The following ATP5F1C variants were observed in gnomAD, a reference collection of about 807,000 sequenced individuals.
ATP5F1C encodes the protein ATP synthase F(1) complex subunit gamma, mitochondrial.
Under a neutral mutation model 37.4 loss-of-function variants are expected in ATP5F1C, and 22 were observed. The observed-to-expected ratio is 0.59, with a 90% CI of 0.42 to 0.84. ATP5F1C has a LOEUF of 0.84. Ranked by LOEUF, ATP5F1C falls within the 40% of genes least tolerant of loss-of-function variation. The probability of loss-of-function intolerance (pLI) is 0.00; values close to 1 mark genes in which losing one functional copy is unlikely to be tolerated. For missense variants in ATP5F1C, 286 were observed against 362.4 expected, an observed-to-expected ratio of 0.79 and a Z score of 1.71; for synonymous variants, 121 against 128.0, an observed-to-expected ratio of 0.95 and a Z score of 0.37.
chr10:7,802,935 T>G, intron 8 of ATP5F1C, 81 bp downstream of exon 8: 1 of 1,260,670 alleles, frequency 7.9e-7, no homozygotes, highest in Non-Finnish European at 1.1e-6. Context: ...TAAAAGTTTT[T>G]CGTTTTTTTC....
intron 1 of ATP5F1C, 79 bp downstream of exon 1, chr10:7,788,342 G>C: frequency 6.4e-7 from 1 of 1,565,070 alleles, no homozygotes; most frequent in South Asian, 1.1e-5. Context: ...GAGGAGATGG[G>C]CGCGGGGGCA....
chr10:7,794,704 C>T (rs752064238), intron 1 of ATP5F1C, among the ~76,000 whole-genome samples: 5 of 152,094 alleles, frequency 3.3e-5, no homozygotes, highest in Non-Finnish European at 7.3e-5. Context: ...GTAAATCCCA[C>T]GTAGTGATGG....
chr10:7,804,095 G>A (rs1384266941), intron 8 of ATP5F1C: 3 of 518,926 alleles, frequency 5.8e-6, no homozygotes, highest in Admixed American at 3.9e-5. Flanking sequence ...CAGCAGAACA[G>A]AGGTTGCTAA....
chr10:7,802,185 A>G (rs1836378794), intron 6 of ATP5F1C, 85 bp from the exon 7 acceptor site: 3 of 1,346,106 alleles, frequency 2.2e-6, no homozygotes, highest in Non-Finnish European at 3.0e-6. Context: ...GTAATTATAA[A>G]GGAGTTTTAC....
chr10:7,802,926 A>T (rs1265850227), intron 8 of ATP5F1C, 72 bp downstream of exon 8: 4 of 1,380,736 alleles, frequency 2.9e-6, no homozygotes, highest in Non-Finnish European at 4.0e-6. Context: ...TTGGATGCTT[A>T]AAAGTTTTTC....
chr10:7,807,099 C>A, intron 9 of ATP5F1C, 89 bp downstream of exon 9: 2 of 1,290,060 alleles, frequency 1.6e-6, no homozygotes, highest in South Asian at 1.5e-5. Context: ...TAGAATTGTC[C>A]TCTGAGAGAT....
chr10:7,806,314 A>G (rs145531659), intron 8 of ATP5F1C, among the ~76,000 whole-genome samples: 1 of 152,246 alleles, frequency 6.6e-6, no homozygotes, highest in Non-Finnish European at 1.5e-5. Context: ...AATTAAGAAC[A>G]TGAGTAAACC....
intron 8 of ATP5F1C, among the ~76,000 whole-genome samples, chr10:7,803,623 CTTTAATG>C (rs1297134545): frequency 1.3e-5 from 2 of 151,998 alleles, no homozygotes; most frequent in Non-Finnish European, 2.9e-5. Flanking sequence ...TGTTGAAAAA[CTTTAATG>C]TTTATGAAAA....
At chr10:7,805,746 CAAAAAAAAAAAAA>C (rs547312025) in intron 8 of ATP5F1C, among the ~76,000 whole-genome samples, 2 of 89,888 alleles carry the variant, frequency 2.2e-5, no homozygotes, top group Non-Finnish European at 4.3e-5. Flanking sequence ...GACTCCTTCT[CAAAAAAAAAAAAA>C]AAAAAAAAAA....
In ATP5F1C at chr10:7,788,283, G is replaced by A. The variant is rs983869399; in HGVS notation, c.56+20G>A. On this transcript the variant is annotated intron_variant, in intron 1 of 9. Coordinates refer to ENST00000356708, the MANE Select transcript of ATP5F1C (RefSeq NM_001001973.3). ...GCAATGGTATGGCAGCTTGCGGGAA[G>A]ATCGGCAGGACCGCAAGGGATGGAA... 1 of 1,611,766 alleles carries A rather than the reference G, an allele frequency of 6.2e-7. No homozygotes were observed. The highest frequency in any genetic ancestry group is 8.5e-7 in the Non-Finnish European group (1 of 1,179,392).
rs370479576 is a variant in ATP5F1C at position 7,788,180 on chromosome 10, A to C, written c.-28A>C. 2.5e-6 allele frequency: 4 copies of C among 1,612,152 alleles called. No homozygotes were observed. Among genetic ancestry groups the C allele is most frequent in the South Asian group, 1.1e-5 (1 of 90,890 alleles). The stretch of plus-strand genomic sequence containing the variant: ...GCGCATGCGCGCTGAGGCCTGCCTG[A>C]CCGACCTTCAGCAGGGCTGTGGCTA... On this transcript the variant is annotated 5_prime_UTR_variant, in exon 1 of 10. Transcript: ENST00000356708.
rs751091544 is a variant in ATP5F1C at position 7,788,206 on chromosome 10, C to G, written c.-2C>G. 1 of 1,613,218 alleles carries G rather than the reference C, an allele frequency of 6.2e-7. No individual in the cohort carries two copies. Among genetic ancestry groups the G allele is most frequent in the East Asian group, 2.2e-5 (1 of 44,882 alleles). ...CCGACCTTCAGCAGGGCTGTGGCTA[C>G]CATGTTCTCTCGCGCGGGTGTCGCT... On this transcript the variant is annotated 5_prime_UTR_variant, in exon 1 of 10. Transcript: ENST00000356708.
chr10:7,800,505 T>A lies in ATP5F1C; in HGVS notation c.637+414T>A, dbSNP rs1047793759. Reference sequence around the variant, plus strand: ...CCCAGCCTTTTATTTTTTTATTTTTTATTTTTTGAGACGGAGTCTCACTGT... The same window carrying A: ...CCCAGCCTTTTATTTTTTTATTTTTAATTTTTTGAGACGGAGTCTCACTGT... On this transcript the variant is annotated intron_variant, in intron 6 of 9. Transcript: ENST00000356708. 1.7e-4 allele frequency among the ~76,000 whole-genome samples: 25 copies of A among 144,940 alleles called. No homozygotes were observed. The East Asian group carries it at 1.8e-3, about 10-fold the overall frequency.
chr10:7,799,664 C>A, intron 4 of ATP5F1C, 108 bp from the exon 5 acceptor site: 2 of 1,329,030 alleles, frequency 1.5e-6, no homozygotes, highest in South Asian at 2.8e-5. Context: ...CCACCCATAC[C>A]CCAAAAGACC....
At chr10:7,802,476 T>C (rs1237504358) in intron 7 of ATP5F1C, 51 bp downstream of exon 7, 5 of 1,567,472 alleles carry the variant, frequency 3.2e-6, no homozygotes, top group East Asian at 4.5e-5. Context: ...GAGCACACAG[T>C]GAATCTCAGC....
chr10:7,789,658 G>A (rs139004416), intron 1 of ATP5F1C, among the ~76,000 whole-genome samples: 3 of 152,200 alleles, frequency 2.0e-5, no homozygotes, highest in Non-Finnish European at 4.4e-5. Flanking sequence ...TGCCTGGCAT[G>A]CAGTGGTGCT....
intron 9 of ATP5F1C, 109 bp from the exon 10 acceptor site, chr10:7,807,550 G>A (rs1836507105): frequency 7.5e-7 from 1 of 1,331,284 alleles, no homozygotes; most frequent in Admixed American, 2.1e-5. Flanking sequence ...ACTTTATTGT[G>A]TAAATTCAGT....
chr10:7,798,296 G>A (rs572278679), intron 3 of ATP5F1C, among the ~76,000 whole-genome samples: 1 of 151,934 alleles, frequency 6.6e-6, no homozygotes, highest in Non-Finnish European at 1.5e-5. Context: ...GAGTGCAATG[G>A]TGCAATCTCA....
At chr10:7,806,857 GT>G (rs946763701) in intron 8 of ATP5F1C, 116 bp from the exon 9 acceptor site, 25 of 779,850 alleles carry the variant, frequency 3.2e-5, no homozygotes, top group African/African-American at 3.1e-4. Flanking sequence ...TGTACTCAAG[GT>G]ATCAAGTTTA....
Sources: gnomAD v4.1 joint callset for allele counts (sites outside exome capture counted in the v4.1 genomes callset) on GRCh38, gnomAD v4.1.1 for gene constraint, MANE v1.5 for transcripts, NCBI Gene and HGNC (gene_info 2026-07-23, HGNC 2026-07-21) for gene names.